The following TSC2 variants were observed in gnomAD, a reference collection of about 807,000 sequenced individuals.
The protein encoded by TSC2 is tuberin.
Under a neutral mutation model 202.2 loss-of-function variants are expected in TSC2, and 29 were observed. That is an observed-to-expected ratio of 0.14 (90% CI 0.11 to 0.20). TSC2 has a LOEUF of 0.20. TSC2 is among the 10% of genes least tolerant of loss of function. TSC2 has a pLI of 1.00. For missense variants in TSC2, 2,429 were observed against 2,420.0 expected, an observed-to-expected ratio of 1.00 and a Z score of -0.08; for synonymous variants, 1,349 against 1,044.0, an observed-to-expected ratio of 1.29 and a Z score of -5.63.
In TSC2 at chr16:2,074,401, C is replaced by T. The variant is rs1168509664; in HGVS notation, c.2545+12C>T. ...GGAGTTCCTGTCCAGTGAGTCCCCG[C>T]CCTGCCTGCGCATGCACCCGAGAGG... On this transcript the variant is annotated intron_variant, in intron 22 of 41. Coordinates refer to ENST00000219476, the MANE Select transcript of TSC2 (RefSeq NM_000548.5). 1.9e-6 allele frequency: 3 copies of T among 1,608,276 alleles called. No individual in the cohort carries two copies. The highest frequency in any genetic ancestry group is 2.2e-5 in the East Asian group (1 of 44,892).
At chr16:2,071,127 G>A (rs985956991) in intron 17 of TSC2, among the ~76,000 whole-genome samples, 3 of 152,240 alleles carry the variant, frequency 2.0e-5, no homozygotes, top group South Asian at 2.1e-4. Context: ...CCACCCCTGT[G>A]GCCTCAGAGT....
At chr16:2,082,620 G>T in intron 32 of TSC2, 116 bp downstream of exon 32, 1 of 1,211,858 alleles carries the variant, frequency 8.3e-7, no homozygotes, top group Non-Finnish European at 1.2e-6. Context: ...TTGCCCTGGG[G>T]AGCAGGTCCC....
chr16:2,082,598 C>A, intron 32 of TSC2, 94 bp downstream of exon 32: 1 of 1,403,520 alleles, frequency 7.1e-7, no homozygotes, highest in African/African-American at 1.4e-5. Flanking sequence ...CCCCATGGTC[C>A]GTCTGCCTCC....
In TSC2 at chr16:2,065,630, C is replaced by T. The variant is rs1596317641; in HGVS notation, c.1711C>T (p.Leu571Phe). 2 of 1,613,550 alleles carry T rather than the reference C, an allele frequency of 1.2e-6. No individual in the cohort carries two copies. Among genetic ancestry groups the T allele is most frequent in the Non-Finnish European group, 1.7e-6 (2 of 1,179,906 alleles). Residue 571 changes from leucine (L) to phenylalanine (F), a missense_variant, in exon 16 of 42, where the codon CTT (leucine) becomes TTT (phenylalanine). By Grantham distance (22) the Leu-to-Phe change is conservative (BLOSUM62 0). Coordinates refer to ENST00000219476, the MANE Select transcript of TSC2 (RefSeq NM_000548.5). ...KTAVLGLLVI[L>F]QTKLYTLPAS... Reference sequence around the variant, plus strand: ...AGCCGTCCTGGGGCTTCTGGTCATCCTTCAGGTGGGTGTTCTGCACGAGGC... The same window carrying T: ...AGCCGTCCTGGGGCTTCTGGTCATCTTTCAGGTGGGTGTTCTGCACGAGGC...
intron 30 of TSC2, 38 bp downstream of exon 30, chr16:2,080,415 C>T (rs1167225268): frequency 1.2e-6 from 2 of 1,603,556 alleles, no homozygotes; most frequent in East Asian, 2.2e-5. Context: ...ATCTTTCTGC[C>T]AGTCACCCAC....
chr16:2,078,976 G>A, intron 26 of TSC2, 56 bp from the exon 27 acceptor site: 1 of 1,607,880 alleles, frequency 6.2e-7, no homozygotes, highest in South Asian at 1.1e-5. Flanking sequence ...TTGGTGATAG[G>A]TGGCTCGGCC....
rs1555500983 is a variant in TSC2, at chr16:2,061,865, C to CT, written c.1120-5dup. Reference sequence around the variant, plus strand: ...TCAGCCTGTGTCATCGTGCCTGGTACTGCAGACCTTGGACAGCCCGGAGCT... The same window carrying CT: ...TCAGCCTGTGTCATCGTGCCTGGTACTTGCAGACCTTGGACAGCCCGGAGCT... On this transcript the variant is annotated splice_region_variant and splice_polypyrimidine_tract_variant and intron_variant, in intron 11 of 41. Coordinates refer to ENST00000219476, the MANE Select transcript of TSC2 (RefSeq NM_000548.5). 1 of 1,613,988 alleles carries CT rather than the reference C, an allele frequency of 6.2e-7. No individual in the cohort carries two copies. Among genetic ancestry groups the CT allele is most frequent in the Non-Finnish European group, 8.5e-7 (1 of 1,180,034 alleles).
At chr16:2,070,332 G>T (rs2088082979) in intron 16 of TSC2, 124 bp from the exon 17 acceptor site, 1 of 1,537,396 alleles carries the variant, frequency 6.5e-7, no homozygotes, top group Non-Finnish European at 8.9e-7. Flanking sequence ...GGGTTTGAAG[G>T]TCGTGTGTTT....
In TSC2 at chr16:2,064,942, T is replaced by C. The variant is rs536442427; in HGVS notation, c.1599+515T>C. The C allele has an allele frequency of 3.1e-4, 64 of 204,716 alleles. 1 individual carries two copies. In the East Asian group the frequency reaches 7.6e-3, roughly 24 times the overall value. The allele number at this position is 204,716 out of a possible 1,614,324, so 12.7% of individuals were successfully genotyped here. A position where few individuals can be genotyped will look rare whatever the true frequency, so the allele number is the denominator to read the frequency against. On this transcript the variant is annotated intron_variant, in intron 15 of 41. Coordinates refer to ENST00000219476, the MANE Select transcript of TSC2 (RefSeq NM_000548.5). ...CAGCCTGGCCAACATGGTGAAATCC[T>C]GTCTCTACTAAAAATATAAAAATTA... is the stretch of plus-strand genomic sequence containing the variant.
rs770515822 is a variant in TSC2, at chr16:2,054,293, T to A, written c.337-3T>A. 1 of 1,614,160 alleles carries A rather than the reference T, an allele frequency of 6.2e-7. No homozygotes were observed. On this transcript the variant is annotated splice_region_variant and splice_polypyrimidine_tract_variant and intron_variant, in intron 4 of 41. Coordinates refer to ENST00000219476, the MANE Select transcript of TSC2 (RefSeq NM_000548.5). The stretch of plus-strand genomic sequence containing the variant: ...CTGCTGATCCTGTGGCTTTTGTCTT[T>A]AGGGCGAGCGTTTGGGGGTCCTCAG...
At chr16:2,053,938 T>C in intron 4 of TSC2, 2 of 439,558 alleles carry the variant, frequency 4.6e-6, no homozygotes, top group East Asian at 1.0e-4. Flanking sequence ...TCTCACAGGC[T>C]CTCCTGGGTT....
At chr16:2,059,359 T>A (rs1189508393) in intron 10 of TSC2, among the ~76,000 whole-genome samples, 1 of 148,344 alleles carries the variant, frequency 6.7e-6, no homozygotes, top group South Asian at 2.1e-4. Context: ...TTTTTTTTTT[T>A]GAGACAGAGT....
chr16:2,079,328 G>C lies in TSC2; in HGVS notation c.3184G>C (p.Val1062Leu), dbSNP rs2151438280. ...GGGTGGCAGGACCAAAACCTGGCTG[G>C]TTGGGAACAAGCTTGTCACTGTGAC... ...LAGGRTKTWL[V>L]GNKLVTVTTS... Residue 1062 changes from valine (V) to leucine (L), a missense_variant, in exon 28 of 42, where the codon GTT (valine) becomes CTT (leucine). Transcript: ENST00000219476. The surrounding 1 kb of genome is among the most constrained non-coding windows in gnomAD (Gnocchi z 4.6). 6.2e-7 allele frequency: 1 copy of C among 1,613,074 alleles called. No individual in the cohort carries two copies. The highest frequency in any genetic ancestry group is 8.5e-7 in the Non-Finnish European group (1 of 1,180,022).
chr16:2,065,705 T>C, intron 16 of TSC2, 70 bp downstream of exon 16: 1 of 1,372,796 alleles, frequency 7.3e-7, no homozygotes, highest in Non-Finnish European at 1.0e-6. Flanking sequence ...GCATCTGCGT[T>C]GTGTTGGAGT....
chr16:2,049,788 C>T (rs781108810), intron 2 of TSC2, among the ~76,000 whole-genome samples: 1 of 151,692 alleles, frequency 6.6e-6, no homozygotes, highest in Non-Finnish European at 1.5e-5. Context: ...CGCGCCACTG[C>T]ACTCCATCCT....
rs2091283176 is a variant in TSC2 at position 2,088,898 on chromosome 16, C to CACACACACAG, written c.*289_*290insCACACACAGA. 2.3e-6 allele frequency: 1 copy of CACACACACAG among 431,472 alleles called. No individual in the cohort carries two copies. Among genetic ancestry groups the CACACACACAG allele is most frequent in the African/African-American group, 2.0e-5 (1 of 49,824 alleles). 26.7% of individuals were successfully genotyped at this position (431,472 alleles called of 1,614,324 possible). On this transcript the variant is annotated 3_prime_UTR_variant, in exon 42 of 42. Coordinates refer to ENST00000219476, the MANE Select transcript of TSC2 (RefSeq NM_000548.5). The stretch of plus-strand genomic sequence containing the variant: ...GCGCGCGCGCACACACACACACACA[C>CACACACACAG]AGTCACCTTCCTCCACCCTGGGAGC...
intron 30 of TSC2, 85 bp downstream of exon 30, chr16:2,080,462 C>T (rs992411528): frequency 3.3e-6 from 5 of 1,510,264 alleles, no homozygotes; most frequent in Middle Eastern, 4.7e-4. Context: ...GCAGACTTGG[C>T]CCTCTTGGGA....
In TSC2 at chr16:2,063,057, C is replaced by T. The variant is rs45517172; in HGVS notation, c.1443+4C>T. Reference sequence around the variant, plus strand: ...CATCAACAGGCAGTTCTATGAGGTGCGTGTCCAGGCGGCCGCAGCTGGGGG... The same window carrying T: ...CATCAACAGGCAGTTCTATGAGGTGTGTGTCCAGGCGGCCGCAGCTGGGGG... On this transcript the variant is annotated splice_donor_region_variant and intron_variant, in intron 14 of 41. Transcript: ENST00000219476. 1.2e-4 allele frequency: 186 copies of T among 1,551,282 alleles called. No homozygotes were observed. The Middle Eastern group carries it at 1.3e-3, about 11-fold the overall frequency.
intron 17 of TSC2, among the ~76,000 whole-genome samples, 191 bp downstream of exon 17, chr16:2,070,769 A>G (rs1279672912): frequency 6.6e-6 from 1 of 152,170 alleles, no homozygotes. Flanking sequence ...CAGTCCACAC[A>G]TCTGTGGCTT....
Sources: gnomAD v4.1 joint callset for allele counts (sites outside exome capture counted in the v4.1 genomes callset) on GRCh38, gnomAD v4.1.1 for gene constraint, Gnocchi (gnomAD v3.1) non-coding constraint, MANE v1.5 for transcripts, NCBI Gene and HGNC (gene_info 2026-07-23, HGNC 2026-07-21) for gene names.